The following IGSF10 variants were observed in gnomAD, a reference collection of about 807,000 sequenced individuals.
IGSF10 encodes the protein calvaria mechanical force protein 608.
IGSF10 carries 126 observed loss-of-function variants against 128.2 expected under a neutral mutation model. The ratio of observed to expected loss-of-function variants is 0.98; its 90% CI spans 0.85 to 1.14. IGSF10 has a LOEUF of 1.14. Ranked by LOEUF, IGSF10 falls within the 50% of genes most tolerant of loss-of-function variation. IGSF10 has a pLI of 0.00. For missense variants in IGSF10, 3,295 were observed against 3,149.8 expected, an observed-to-expected ratio of 1.05 and a Z score of -1.10; for synonymous variants, 1,185 against 1,146.2, an observed-to-expected ratio of 1.03 and a Z score of -0.68.
chr3:151,443,841 A>C lies in IGSF10; in HGVS notation c.5106T>G (p.Val1702=). ...GGATGGACAGGGTACCATTGGGGAG[A>C]ACCTGGACCCTGCTATTCTGTTTCC... The part of the protein sequence containing the change: ...SKRKQNSRVQ[V]LPNGTLSIQR... The change falls in exon 7 of 8, where the codon GTT becomes GTG. Residue 1702 remains valine (V), a synonymous_variant. Transcript: ENST00000282466. 1.2e-6 allele frequency: 2 copies of C among 1,613,466 alleles called. No individual in the cohort carries two copies. The highest frequency in any genetic ancestry group is 1.7e-6 in the Non-Finnish European group (2 of 1,179,572).
downstream of IGSF10, chr3:151,435,382 C>G (rs568858155): frequency 3.3e-5 from 5 of 152,134 alleles, 1 homozygote; most frequent in Admixed American, 3.3e-4. Flanking sequence ...TAGAGGAGAT[C>G]AATGCGTAGC....
the IGSF10 span, among the ~76,000 whole-genome samples, chr3:151,560,709 C>CT: frequency 1.2e-4 from 18 of 151,430 alleles, no homozygotes; most frequent in South Asian, 1.0e-3. Flanking sequence ...ATAGCCCCCC[C>CT]CTCCGTCCCA....
chr3:151,444,818 T>A (rs1341152770), intron 6 of IGSF10, 101 bp downstream of exon 6: 13 of 1,129,164 alleles, frequency 1.2e-5, no homozygotes, highest in Non-Finnish European at 1.6e-5. Flanking sequence ...TTAGAAAAAT[T>A]TGAAACTGAT....
At chr3:151,547,014 A>ACC in the IGSF10 span, among the ~76,000 whole-genome samples, 2,187 of 110,344 alleles carry the variant, frequency 0.02, 54 homozygotes, top group African/African-American at 0.064. Context: ...CCGGCGATCC[A>ACC]CCCCCCCCTT....
the IGSF10 span, among the ~76,000 whole-genome samples, chr3:151,471,981 C>T: frequency 3.3e-5 from 5 of 152,184 alleles, no homozygotes; most frequent in East Asian, 1.9e-4. Flanking sequence ...AGTGCAGACT[C>T]ATAGCCCAGA....
the IGSF10 span, among the ~76,000 whole-genome samples, chr3:151,541,787 T>C: frequency 6.6e-6 from 1 of 152,036 alleles, no homozygotes; most frequent in Non-Finnish European, 1.5e-5. Flanking sequence ...TGTGGATGAG[T>C]GGATAGATAG....
rs890256906 is a variant in IGSF10, at chr3:151,443,811, C to A, written c.5136G>T (p.Arg1712Ser). ...ACTGTCCGCGGTCCTGAATTTCCAC[C>A]CTCTGGATGGACAGGGTACCATTGG... is the stretch of plus-strand genomic sequence containing the variant. Reference protein sequence around the residue: ...VLPNGTLSIQRVEIQDRGQYL... With the variant: ...VLPNGTLSIQSVEIQDRGQYL... The change falls in exon 7 of 8, where the codon AGG becomes AGT. Residue 1712 changes from arginine (R) to serine (S), a missense_variant. By Grantham distance (110) the Arg-to-Ser change is moderately radical. Coordinates refer to ENST00000282466, the MANE Select transcript of IGSF10 (RefSeq NM_178822.5). 1.2e-6 allele frequency: 2 copies of A among 1,613,942 alleles called. No homozygotes were observed. The highest frequency in any genetic ancestry group is 2.7e-5 in the African/African-American group (2 of 74,882).
the IGSF10 span, among the ~76,000 whole-genome samples, chr3:151,478,783 T>TA: frequency 2.6e-4 from 40 of 151,822 alleles, no homozygotes; most frequent in Non-Finnish European, 5.0e-4. Flanking sequence ...CCTTAGGGAC[T>TA]AAAAAAAAGA....
the IGSF10 span, among the ~76,000 whole-genome samples, chr3:151,509,068 A>G: frequency 6.6e-6 from 1 of 152,168 alleles, no homozygotes; most frequent in African/African-American, 2.4e-5. Context: ...AGGTATCTTT[A>G]AGAAGATTCA....
chr3:151,582,702 A>G, the IGSF10 span, among the ~76,000 whole-genome samples: 1 of 152,136 alleles, frequency 6.6e-6, no homozygotes. Flanking sequence ...CTATCTATCT[A>G]TCTATCCATC....
the IGSF10 span, among the ~76,000 whole-genome samples, chr3:151,555,881 T>TA: frequency 1.3e-5 from 2 of 152,132 alleles, no homozygotes; most frequent in African/African-American, 2.4e-5. Flanking sequence ...TCCCTGCAAA[T>TA]AAAAAACATC....
At position 151,453,528 on chromosome 3, in the gene IGSF10, A is replaced by G. The variant is rs377263747; in HGVS notation, c.571T>C (p.Tyr191His). ...GAGGTCAGGAAGTTATCAGACAAGT[A>G]TAGGAACTTAATGAAAGAGATTTTA... ...IFKISFIKFL[Y>H]LSDNFLTSLP... Residue 191 changes from tyrosine (Y) to histidine (H), a missense_variant, in exon 5 of 8, where the codon TAC (tyrosine) becomes CAC (histidine). Physicochemically the swap from Tyr to His is moderately conservative, Grantham distance 83. Coordinates refer to ENST00000282466, the MANE Select transcript of IGSF10 (RefSeq NM_178822.5). 1.2e-5 allele frequency: 19 copies of G among 1,614,014 alleles called. No homozygotes were observed. Among genetic ancestry groups the G allele is most frequent in the Admixed American group, 3.3e-5 (2 of 60,002 alleles).
chr3:151,582,843 T>C, the IGSF10 span, among the ~76,000 whole-genome samples: 7 of 152,242 alleles, frequency 4.6e-5, no homozygotes, highest in African/African-American at 1.7e-4. Flanking sequence ...TTTCAGCACT[T>C]CACATTTATG....
chr3:151,612,557 C>T, the IGSF10 span, among the ~76,000 whole-genome samples: 1,956 of 152,252 alleles, frequency 0.013, 41 homozygotes, highest in African/African-American at 0.045. Flanking sequence ...ATGCTCTCCA[C>T]TCCCTAAAGA....
At chr3:151,454,640 A>T (rs1721690287) in intron 4 of IGSF10, among the ~76,000 whole-genome samples, 1 of 151,966 alleles carries the variant, frequency 6.6e-6, no homozygotes, top group African/African-American at 2.4e-5. Context: ...TTAAACATAA[A>T]TTTTTCATAA....
the IGSF10 span, among the ~76,000 whole-genome samples, chr3:151,591,684 G>A: frequency 6.6e-6 from 1 of 152,114 alleles, no homozygotes; most frequent in South Asian, 2.1e-4. Flanking sequence ...AAATAGGTTG[G>A]AGAGATAATA....
At chr3:151,479,306 C>A in the IGSF10 span, among the ~76,000 whole-genome samples, 3 of 152,082 alleles carry the variant, frequency 2.0e-5, no homozygotes, top group African/African-American at 7.2e-5. Flanking sequence ...GACTCCTGCA[C>A]ATATTGAAAA....
intron 4 of IGSF10, among the ~76,000 whole-genome samples, chr3:151,455,161 A>G (rs1721723781): frequency 6.8e-6 from 1 of 145,996 alleles, no homozygotes; most frequent in Non-Finnish European, 1.5e-5. Flanking sequence ...CCCAGGCTGG[A>G]GTGCAATGGA....
At chr3:151,563,698 A>G in the IGSF10 span, among the ~76,000 whole-genome samples, 2 of 152,046 alleles carry the variant, frequency 1.3e-5, no homozygotes, top group Admixed American at 6.6e-5. Flanking sequence ...TTGAATTTGC[A>G]GCGTTTAAAA....
Sources: allele counts gnomAD v4.1 joint callset (sites outside exome capture counted in the v4.1 genomes callset), GRCh38; gene constraint gnomAD v4.1.1; transcripts MANE v1.5; gene names NCBI Gene and HGNC (gene_info 2026-07-23, HGNC 2026-07-21).